The following KCNH7 variants were observed in gnomAD, a reference collection of about 807,000 sequenced individuals.
The protein encoded by KCNH7 is voltage-gated inwardly rectifying potassium channel KCNH7.
A neutral mutation model predicts 120.8 loss-of-function variants in KCNH7; 49 were observed. The ratio of observed to expected loss-of-function variants is 0.41; its 90% CI spans 0.32 to 0.51. KCNH7 has a LOEUF of 0.51. KCNH7 is among the 20% of genes least tolerant of loss of function. The probability of loss-of-function intolerance (pLI) is 0.38; values close to 1 mark genes in which losing one functional copy is unlikely to be tolerated. For synonymous variants in KCNH7, 547 were observed against 516.1 expected (o/e 1.06, Z -0.81); for missense variants, 1,097 against 1,446.6 (o/e 0.76, Z 3.92).
chr2:162,666,887 T>C (rs955235486), intron 2 of KCNH7, among the ~76,000 whole-genome samples: 9 of 152,198 alleles, frequency 5.9e-5, no homozygotes, highest in Admixed American at 4.6e-4. Flanking sequence ...TTTTGATCTT[T>C]AGTCACTGCC....
intron 8 of KCNH7, among the ~76,000 whole-genome samples, chr2:162,431,924 T>G (rs1352603043): frequency 6.6e-6 from 1 of 151,948 alleles, no homozygotes; most frequent in East Asian, 1.9e-4. Context: ...AACTGAGCTA[T>G]CTTCAATTTT....
At chr2:162,466,355 C>T (rs1452984340) in intron 6 of KCNH7, among the ~76,000 whole-genome samples, 1 of 152,150 alleles carries the variant, frequency 6.6e-6, no homozygotes, top group Non-Finnish European at 1.5e-5. Flanking sequence ...AGGGAAGCCT[C>T]AGAAAACTTA....
At chr2:162,573,413 A>G (rs1455618685) in intron 2 of KCNH7, among the ~76,000 whole-genome samples, 1 of 152,066 alleles carries the variant, frequency 6.6e-6, no homozygotes, top group Non-Finnish European at 1.5e-5. Flanking sequence ...TTGATGTAAT[A>G]AAAGTAATAC....
chr2:162,471,141 C>A (rs1433848058), intron 6 of KCNH7, among the ~76,000 whole-genome samples: 1 of 152,018 alleles, frequency 6.6e-6, no homozygotes, highest in Non-Finnish European at 1.5e-5. Flanking sequence ...CTAGGAAAAC[C>A]AGAGACCTTT....
chr2:162,660,434 A>G (rs1356430018), intron 2 of KCNH7, among the ~76,000 whole-genome samples: 1 of 152,068 alleles, frequency 6.6e-6, no homozygotes, highest in Non-Finnish European at 1.5e-5. Context: ...TCTTTCTGTC[A>G]TTAATTTCCA....
intron 2 of KCNH7, among the ~76,000 whole-genome samples, chr2:162,713,512 T>C (rs1687000686): frequency 6.6e-6 from 1 of 152,162 alleles, no homozygotes. Flanking sequence ...CAGGCTAGTT[T>C]AGTTACTAGC....
At chr2:162,695,749 G>A (rs1339653530) in intron 2 of KCNH7, among the ~76,000 whole-genome samples, 1 of 152,116 alleles carries the variant, frequency 6.6e-6, no homozygotes, top group African/African-American at 2.4e-5. Flanking sequence ...TCTTGAAACT[G>A]ACATGCCGGG....
chr2:162,758,174 GT>G (rs2105446017), intron 2 of KCNH7, among the ~76,000 whole-genome samples: 1 of 152,274 alleles, frequency 6.6e-6, no homozygotes, highest in East Asian at 1.9e-4. Flanking sequence ...TAATTAGTGT[GT>G]TCTAGGAAAA....
intron 12 of KCNH7, among the ~76,000 whole-genome samples, chr2:162,392,323 C>A (rs1686768840): frequency 6.6e-6 from 1 of 151,030 alleles, no homozygotes. Context: ...TTTTTGAGGA[C>A]AAGGAAGCAA....
intron 2 of KCNH7, among the ~76,000 whole-genome samples, chr2:162,684,032 A>C (rs918353377): frequency 6.6e-6 from 1 of 152,132 alleles, no homozygotes; most frequent in Non-Finnish European, 1.5e-5. Context: ...CAGAGGCCTC[A>C]GAAATAATGC....
chr2:162,454,628 T>C (rs1320986333), intron 6 of KCNH7, among the ~76,000 whole-genome samples: 1 of 152,168 alleles, frequency 6.6e-6, no homozygotes, highest in African/African-American at 2.4e-5. Flanking sequence ...CTTATTTTCT[T>C]GAGCAGTGAT....
At chr2:162,515,481 T>C (rs1691251823) in intron 4 of KCNH7, among the ~76,000 whole-genome samples, 1 of 151,838 alleles carries the variant, frequency 6.6e-6, no homozygotes, top group Non-Finnish European at 1.5e-5. Context: ...TTCAAATTTG[T>C]TGTTTTTGAA....
At chr2:162,589,616 G>T (rs73026669) in intron 2 of KCNH7, among the ~76,000 whole-genome samples, 23 of 152,030 alleles carry the variant, frequency 1.5e-4, no homozygotes, top group African/African-American at 5.3e-4. Flanking sequence ...GGGTTGAAAG[G>T]GTAGCTCCTC....
chr2:162,660,445 G>C (rs1427944374), intron 2 of KCNH7, among the ~76,000 whole-genome samples: 1 of 151,940 alleles, frequency 6.6e-6, no homozygotes, highest in Non-Finnish European at 1.5e-5. Flanking sequence ...TTAATTTCCA[G>C]TTTAATTTCT....
At chr2:162,667,122 C>T (rs1355087536) in intron 2 of KCNH7, among the ~76,000 whole-genome samples, 1 of 150,690 alleles carries the variant, frequency 6.6e-6, no homozygotes, top group Non-Finnish European at 1.5e-5. Context: ...CGGGCTCAAG[C>T]GATCTTCAAA....
intron 2 of KCNH7, among the ~76,000 whole-genome samples, chr2:162,577,986 A>T (rs1025880291): frequency 6.6e-6 from 1 of 152,070 alleles, no homozygotes; most frequent in Non-Finnish European, 1.5e-5. Flanking sequence ...GCCCAAGGTC[A>T]TAGAATTTCT....
chr2:162,749,750 C>T (rs1428579485), intron 2 of KCNH7, among the ~76,000 whole-genome samples: 3 of 151,946 alleles, frequency 2.0e-5, no homozygotes, highest in Admixed American at 1.3e-4. Context: ...CAATACATCT[C>T]AAGGGCAAAT....
chr2:162,559,121 G>A (rs1461499579), intron 2 of KCNH7, among the ~76,000 whole-genome samples: 2 of 150,458 alleles, frequency 1.3e-5, no homozygotes, highest in Admixed American at 6.6e-5. Context: ...AGTTGAAAGA[G>A]TATGGAGTAA....
intron 2 of KCNH7, among the ~76,000 whole-genome samples, chr2:162,634,252 C>T (rs1388360280): frequency 6.6e-6 from 1 of 151,974 alleles, no homozygotes; most frequent in Non-Finnish European, 1.5e-5. Flanking sequence ...ATACCAGTCT[C>T]TGTGCTAGGA....
Sources: gnomAD v4.1 joint callset for allele counts (sites outside exome capture counted in the v4.1 genomes callset) on GRCh38, gnomAD v4.1.1 for gene constraint, MANE v1.5 for transcripts, NCBI Gene and HGNC (gene_info 2026-07-23, HGNC 2026-07-21) for gene names.